Variants in COL25A1 observed in about 807,000 individuals in gnomAD.
COL25A1 encodes the protein collagen type XXV alpha 1 chain.
Under a neutral mutation model 128.4 loss-of-function variants are expected in COL25A1, and 103 were observed. The ratio of observed to expected loss-of-function variants is 0.80; its 90% CI spans 0.68 to 0.94. The LOEUF is 0.94. Ranked by LOEUF, COL25A1 falls within the 40% of genes least tolerant of loss-of-function variation. The probability of loss-of-function intolerance (pLI) is 0.00; values close to 1 mark genes in which losing one functional copy is unlikely to be tolerated. For synonymous variants in COL25A1, 279 were observed against 277.2 expected (o/e 1.01, Z -0.06); for missense variants, 745 against 840.0 (o/e 0.89, Z 1.40).
chr4:109,266,328 G>C (rs1781790035), intron 3 of COL25A1, among the ~76,000 whole-genome samples: 1 of 152,190 alleles, frequency 6.6e-6, no homozygotes, highest in Non-Finnish European at 1.5e-5. Context: ...AGCTGAGGAA[G>C]TGGACAAGCT....
intron 13 of COL25A1, among the ~76,000 whole-genome samples, chr4:108,901,482 T>G (rs2125865870): frequency 6.6e-6 from 1 of 152,146 alleles, no homozygotes; most frequent in Middle Eastern, 3.4e-3. Context: ...TCTGAATGAG[T>G]AAAAGACAAC....
At chr4:109,112,101 T>TA (rs201113748) in intron 3 of COL25A1, among the ~76,000 whole-genome samples, 8 of 151,972 alleles carry the variant, frequency 5.3e-5, no homozygotes, top group South Asian at 2.1e-4. Context: ...TTGAGGGAAT[T>TA]AAAAAAAACA....
At position 109,051,616 on chromosome 4, in the gene COL25A1, TACATAC is replaced by T. The variant is rs1198464951; in HGVS notation, c.368-1443_368-1438del. Among the ~76,000 whole-genome samples the T allele has an allele frequency of 6.2e-3, 695 of 112,418 alleles. 12 individuals carry two copies. The highest frequency in any genetic ancestry group is 0.015 in the African/African-American group (537 of 34,974). The allele number at this position is 112,418 out of a possible 152,430, so 73.8% of individuals were successfully genotyped here. On this transcript the variant is annotated intron_variant, in intron 3 of 37. Transcript: ENST00000399132. ...GTTAATACATCTGTTCAAACACACA[TACATAC>T]ACACACACACACACACACACACACA... is the stretch of plus-strand genomic sequence containing the variant.
intron 3 of COL25A1, among the ~76,000 whole-genome samples, chr4:109,228,453 T>TA (rs1392682718): frequency 2.0e-5 from 3 of 152,200 alleles, no homozygotes; most frequent in Non-Finnish European, 4.4e-5. Flanking sequence ...CAGCCAGATA[T>TA]ACACTAATCC....
intron 3 of COL25A1, among the ~76,000 whole-genome samples, chr4:109,183,182 A>G (rs1774826501): frequency 7.1e-6 from 1 of 139,922 alleles, no homozygotes; most frequent in African/African-American, 2.5e-5. Flanking sequence ...AAACACATTA[A>G]AGGAAATTTT....
intron 8 of COL25A1, among the ~76,000 whole-genome samples, chr4:108,972,434 A>G (rs1752010035): frequency 6.6e-6 from 1 of 152,122 alleles, no homozygotes; most frequent in South Asian, 2.1e-4. Flanking sequence ...TCTTGATATG[A>G]TCAATTTCCT....
intron 3 of COL25A1, among the ~76,000 whole-genome samples, chr4:109,247,133 G>A (rs1356906252): frequency 6.6e-6 from 1 of 152,180 alleles, no homozygotes. Context: ...GGAGGCCGAG[G>A]CGGGTGGATC....
chr4:108,839,525 C>T (rs1011885753), intron 31 of COL25A1, among the ~76,000 whole-genome samples: 10 of 152,176 alleles, frequency 6.6e-5, no homozygotes, highest in African/African-American at 1.9e-4. Context: ...AGATCCGTGG[C>T]TTTGCATGTG....
chr4:108,976,861 C>CT (rs1374574854), intron 6 of COL25A1, among the ~76,000 whole-genome samples: 1 of 152,222 alleles, frequency 6.6e-6, no homozygotes, highest in African/African-American at 2.4e-5. Context: ...ATGTCCTATA[C>CT]TTTGTGTCTT....
At chr4:108,978,977 C>T (rs2125994063) in intron 6 of COL25A1, among the ~76,000 whole-genome samples, 1 of 152,124 alleles carries the variant, frequency 6.6e-6, no homozygotes, top group Non-Finnish European at 1.5e-5. Flanking sequence ...GTAATTAATC[C>T]TAAAGTTAAT....
At chr4:109,273,127 C>T (rs1156769132) in intron 3 of COL25A1, among the ~76,000 whole-genome samples, 1 of 152,062 alleles carries the variant, frequency 6.6e-6, no homozygotes, top group Non-Finnish European at 1.5e-5. Flanking sequence ...GAAAAGAGGT[C>T]CGATGCCACA....
At chr4:109,160,707 A>C (rs1772489138) in intron 3 of COL25A1, among the ~76,000 whole-genome samples, 1 of 152,126 alleles carries the variant, frequency 6.6e-6, no homozygotes, top group Non-Finnish European at 1.5e-5. Flanking sequence ...GAAGAGCTCT[A>C]TGACCCACGC....
At chr4:108,885,203 C>T (rs867082761) in intron 18 of COL25A1, among the ~76,000 whole-genome samples, 3 of 152,142 alleles carry the variant, frequency 2.0e-5, no homozygotes, top group Admixed American at 1.3e-4. Context: ...CATTTCCTTT[C>T]ATCTAAATGC....
intron 16 of COL25A1, among the ~76,000 whole-genome samples, chr4:108,893,666 G>A (rs535169047): frequency 5.8e-4 from 89 of 152,240 alleles, no homozygotes; most frequent in Admixed American, 1.0e-3. Flanking sequence ...AATCAATGAC[G>A]TAATTTACTA....
At chr4:109,124,165 G>A (rs1768373690) in intron 3 of COL25A1, among the ~76,000 whole-genome samples, 1 of 152,010 alleles carries the variant, frequency 6.6e-6, no homozygotes, top group Non-Finnish European at 1.5e-5. Context: ...TTTACTTCAT[G>A]CAAATGGTAT....
chr4:109,177,819 T>C (rs1183800096), intron 3 of COL25A1, among the ~76,000 whole-genome samples: 6 of 152,204 alleles, frequency 3.9e-5, no homozygotes, highest in African/African-American at 1.4e-4. Flanking sequence ...CCAGTTAAAT[T>C]TGCGTTTAGG....
intron 3 of COL25A1, among the ~76,000 whole-genome samples, chr4:109,257,588 T>C (rs1022036902): frequency 2.6e-5 from 4 of 152,224 alleles, no homozygotes; most frequent in Non-Finnish European, 5.9e-5. Context: ...AGACTTTTAG[T>C]GCTCATAGCA....
chr4:109,299,566 A>G (rs531049687), intron 3 of COL25A1, among the ~76,000 whole-genome samples: 1 of 152,282 alleles, frequency 6.6e-6, no homozygotes, highest in African/African-American at 2.4e-5. Context: ...TGAGGGGGAA[A>G]CGTTTCAGAA....
chr4:108,871,384 C>T (rs890207457), intron 19 of COL25A1, among the ~76,000 whole-genome samples: 2 of 152,168 alleles, frequency 1.3e-5, no homozygotes, highest in Non-Finnish European at 2.9e-5. Context: ...GGCACAATCT[C>T]GGCTCACTGC....
Sources: gnomAD v4.1 joint callset for allele counts (sites outside exome capture counted in the v4.1 genomes callset) on GRCh38, gnomAD v4.1.1 for gene constraint, MANE v1.5 for transcripts, NCBI Gene and HGNC (gene_info 2026-07-23, HGNC 2026-07-21) for gene names.